C17orf67: variants seen among roughly 807,000 people sequenced by gnomAD.
The protein encoded by C17orf67 is chromosome 17 open reading frame 67, also known as uncharacterized protein C17orf67.
Under a neutral mutation model 11.2 loss-of-function variants are expected in C17orf67, and 12 were observed. The observed-to-expected ratio is 1.07, with a 90% CI of 0.68 to 1.73. The LOEUF (loss-of-function observed/expected upper bound fraction) is 1.73, where lower values mean the gene tolerates loss of function less well. Ranked by LOEUF, C17orf67 falls within the 40% of genes most tolerant of loss-of-function variation. The pLI is 0.00. For synonymous variants in C17orf67, 59 were observed against 46.9 expected, an observed-to-expected ratio of 1.26 and a Z score of -1.05; for missense variants, 115 against 113.5, an observed-to-expected ratio of 1.01 and a Z score of -0.06.
intron 6 of C17orf67, among the ~76,000 whole-genome samples, chr17:56,797,545 T>C (rs544619655): frequency 6.6e-6 from 1 of 152,070 alleles, no homozygotes; most frequent in South Asian, 2.1e-4. Flanking sequence ...GAGAACGGAC[T>C]GGGGTCAGGG....
chr17:56,799,195 G>A (rs187924429), intron 6 of C17orf67, among the ~76,000 whole-genome samples: 76 of 152,224 alleles, frequency 5.0e-4, no homozygotes, highest in African/African-American at 1.5e-3. Flanking sequence ...AATATCACAC[G>A]GAACAGTTTC....
intron 6 of C17orf67, among the ~76,000 whole-genome samples, chr17:56,806,708 T>G: frequency 6.6e-6 from 1 of 152,166 alleles, no homozygotes; most frequent in South Asian, 2.1e-4. Flanking sequence ...TGAATTTTAT[T>G]CAGAGTAAGA....
intron 6 of C17orf67, among the ~76,000 whole-genome samples, chr17:56,799,303 A>G (rs967255384): frequency 2.0e-5 from 3 of 152,222 alleles, no homozygotes; most frequent in African/African-American, 7.2e-5. Flanking sequence ...CTTTCCCAGA[A>G]TGTCATACAG....
chr17:56,802,493 T>G (rs1905348199), intron 6 of C17orf67, among the ~76,000 whole-genome samples: 1 of 152,208 alleles, frequency 6.6e-6, no homozygotes, highest in Non-Finnish European at 1.5e-5. Context: ...CTTACCCCTT[T>G]ATGGTCTAGA....
intron 4 of C17orf67, among the ~76,000 whole-genome samples, chr17:56,824,369 T>C (rs1188982291): frequency 6.6e-6 from 1 of 152,194 alleles, no homozygotes; most frequent in Middle Eastern, 3.2e-3. Context: ...CCTCCAGAGC[T>C]ATGAGCCAGA....
chr17:56,815,664 T>C (rs1905741931), intron 5 of C17orf67, 92 bp downstream of exon 5: 3 of 1,071,444 alleles, frequency 2.8e-6, no homozygotes, highest in East Asian at 3.0e-5. Flanking sequence ...ATATACACTA[T>C]ATATTATTTA....
intron 6 of C17orf67, among the ~76,000 whole-genome samples, chr17:56,807,722 G>C (rs181389953): frequency 1.3e-5 from 2 of 151,882 alleles, no homozygotes; most frequent in Non-Finnish European, 2.9e-5. Context: ...TTTTTTCTCT[G>C]TCAGGATCTT....
chr17:56,828,566 G>A (rs1567801812), intron 2 of C17orf67, among the ~76,000 whole-genome samples: 1 of 152,086 alleles, frequency 6.6e-6, no homozygotes, highest in Non-Finnish European at 1.5e-5. Flanking sequence ...ACATACAGAA[G>A]AGTTTATAAA....
intron 5 of C17orf67, 115 bp from the exon 6 acceptor site, chr17:56,815,084 C>G (rs1905726927): frequency 1.2e-6 from 1 of 860,954 alleles, no homozygotes; most frequent in African/African-American, 1.7e-5. Flanking sequence ...CATGAAAGTT[C>G]TTTCCCGGGG....
intron 6 of C17orf67, among the ~76,000 whole-genome samples, 195 bp downstream of exon 6, chr17:56,814,674 A>G (rs1188174425): frequency 3.9e-5 from 6 of 152,228 alleles, no homozygotes; most frequent in South Asian, 2.1e-4. Context: ...TACCCTGTTC[A>G]TAACAGGTGA....
chr17:56,830,433 A>G (rs961362026), intron 2 of C17orf67, among the ~76,000 whole-genome samples: 2 of 152,194 alleles, frequency 1.3e-5, no homozygotes, highest in Non-Finnish European at 2.9e-5. Context: ...AGAAATTTCT[A>G]TAATATTTAG....
intron 4 of C17orf67, among the ~76,000 whole-genome samples, chr17:56,824,197 G>A (rs1009265797): frequency 1.3e-5 from 2 of 152,212 alleles, no homozygotes; most frequent in African/African-American, 2.4e-5. Flanking sequence ...TCTTATAGGA[G>A]TGAGTTAGTT....
intron 6 of C17orf67, among the ~76,000 whole-genome samples, chr17:56,814,519 C>T (rs909651393): frequency 3.3e-5 from 5 of 152,108 alleles, no homozygotes; most frequent in East Asian, 1.9e-4. Flanking sequence ...CAGCCTGCTC[C>T]GGGGCCCAAG....
intron 7 of C17orf67, among the ~76,000 whole-genome samples, chr17:56,792,921 A>G (rs62076198): frequency 0.98 from 399 of 406 alleles, 196 homozygotes; most frequent in Middle Eastern, 1. Context: ...GGTGGTGATG[A>G]TGGTGTGGGT....
At position 56,813,856 on chromosome 17, in the gene C17orf67, G is replaced by A. The variant is rs533341827; in HGVS notation, c.156+1013C>T. Among the ~76,000 whole-genome samples, 5 of 151,812 alleles carry A rather than the reference G, an allele frequency of 3.3e-5. No individual in the cohort carries two copies. In the South Asian group the frequency reaches 8.3e-4, roughly 25 times the overall value. On this transcript the variant is annotated intron_variant, in intron 6 of 7. Coordinates refer to ENST00000397861, the MANE Select transcript of C17orf67 (RefSeq NM_001085430.4). Reference sequence around the variant, plus strand: ...TAATATTATAGTAATATCAGCAATAGTATTTATTATCCCCATTTTATAGAT... The same window carrying A: ...TAATATTATAGTAATATCAGCAATAATATTTATTATCCCCATTTTATAGAT...
At chr17:56,822,355 C>T (rs1041190965) in intron 4 of C17orf67, among the ~76,000 whole-genome samples, 4 of 152,150 alleles carry the variant, frequency 2.6e-5, no homozygotes, top group African/African-American at 7.2e-5. Context: ...ATGGTTATGA[C>T]TGTGGGCAGC....
At chr17:56,805,971 C>CTG (rs1905437821) in intron 6 of C17orf67, among the ~76,000 whole-genome samples, 1 of 98,018 alleles carries the variant, frequency 1.0e-5, no homozygotes, top group Non-Finnish European at 1.9e-5. Context: ...GTTGATTTTC[C>CTG]TTTTTTTTTT....
At chr17:56,805,391 T>C (rs957292111) in intron 6 of C17orf67, among the ~76,000 whole-genome samples, 4 of 152,144 alleles carry the variant, frequency 2.6e-5, no homozygotes, top group African/African-American at 9.7e-5. Context: ...CTAAGTTGCC[T>C]ATACAAAACC....
intron 4 of C17orf67, among the ~76,000 whole-genome samples, chr17:56,824,113 C>T (rs781651431): frequency 1.6e-4 from 24 of 152,314 alleles, no homozygotes; most frequent in South Asian, 6.2e-4. Flanking sequence ...GATTAAGTCA[C>T]GGGAGCACCA....
Sources: gnomAD v4.1 joint callset for allele counts (sites outside exome capture counted in the v4.1 genomes callset) on GRCh38, gnomAD v4.1.1 for gene constraint, MANE v1.5 for transcripts, NCBI Gene and HGNC (gene_info 2026-07-23, HGNC 2026-07-21) for gene names.